The following MPP7 variants were observed in gnomAD, a reference collection of about 807,000 sequenced individuals.
MPP7 encodes the protein MAGUK p55 subfamily member 7.
MPP7 carries 60 observed loss-of-function variants against 76.5 expected under a neutral mutation model. That is an observed-to-expected ratio of 0.78 (90% CI 0.64 to 0.97). The LOEUF (loss-of-function observed/expected upper bound fraction) is 0.97. Among genes scored for constraint, MPP7 ranks in the 50% least tolerant of loss-of-function variants. The pLI is 0.00. For synonymous variants in MPP7, 237 were observed against 244.5 expected (o/e 0.97, Z 0.29); for missense variants, 641 against 694.0 (o/e 0.92, Z 0.86).
At chr10:28,213,766 T>C (rs1588933952) in intron 2 of MPP7, among the ~76,000 whole-genome samples, 1 of 129,900 alleles carries the variant, frequency 7.7e-6, no homozygotes, top group Non-Finnish European at 1.6e-5. Flanking sequence ...CACTCCAACC[T>C]GGGCAACAGA....
chr10:28,254,719 T>C (rs985500039), intron 1 of MPP7: 4 of 152,148 alleles, frequency 2.6e-5, no homozygotes, highest in Non-Finnish European at 4.4e-5. Flanking sequence ...TTATCTGCAC[T>C]CTAGATAGGA....
intron 5 of MPP7, among the ~76,000 whole-genome samples, chr10:28,136,211 T>C (rs941509153): frequency 6.6e-6 from 1 of 151,898 alleles, no homozygotes; most frequent in African/African-American, 2.4e-5. Context: ...ATTATGGTGA[T>C]TATGTAATAA....
chr10:28,098,912 G>T (rs948078796), intron 11 of MPP7, among the ~76,000 whole-genome samples: 1 of 151,790 alleles, frequency 6.6e-6, no homozygotes, highest in Admixed American at 6.6e-5. Context: ...AAGTAGTAAC[G>T]ATGAAAAAAA....
intron 3 of MPP7, among the ~76,000 whole-genome samples, chr10:28,195,616 G>A (rs1837555524): frequency 6.6e-6 from 1 of 152,188 alleles, no homozygotes; most frequent in African/African-American, 2.4e-5. Context: ...ATTAAGCTAA[G>A]TGACAGAAGT....
intron 3 of MPP7, among the ~76,000 whole-genome samples, chr10:28,194,959 G>T (rs1588908145): frequency 1.3e-5 from 2 of 152,168 alleles, no homozygotes; most frequent in East Asian, 3.8e-4. Flanking sequence ...ACTGGGAAGG[G>T]GAGAAGGGGG....
chr10:28,302,306 C>T (rs1841176441), intron 1 of MPP7, among the ~76,000 whole-genome samples: 1 of 152,164 alleles, frequency 6.6e-6, no homozygotes, highest in East Asian at 1.9e-4. Flanking sequence ...AATAGATTCA[C>T]GCTAAATGCT....
At chr10:28,103,154 C>G (rs1419627442) in intron 11 of MPP7, among the ~76,000 whole-genome samples, 6 of 151,440 alleles carry the variant, frequency 4.0e-5, no homozygotes, top group African/African-American at 1.5e-4. Flanking sequence ...CGTGCACATG[C>G]ATCCTGTCTC....
rs538246061 is a variant in MPP7 at position 28,115,124 on chromosome 10, T to C, written c.952+4527A>G. The stretch of plus-strand genomic sequence containing the variant: ...TTTTTGTTTTTGTTTTTTTTTGAGA[T>C]GGAGTTTTACTCTTATTGCCCAGGC... On this transcript the variant is annotated intron_variant, in intron 11 of 16. Coordinates refer to ENST00000683449, the MANE Select transcript of MPP7 (RefSeq NM_001318170.2). 2.0e-3 allele frequency among the ~76,000 whole-genome samples: 306 copies of C among 152,032 alleles called. 2 individuals are homozygous for C. Among genetic ancestry groups the C allele is most frequent in the Non-Finnish European group, 2.6e-3 (180 of 67,988 alleles).
intron 1 of MPP7, among the ~76,000 whole-genome samples, chr10:28,247,792 A>C (rs1839486237): frequency 6.6e-6 from 1 of 152,244 alleles, no homozygotes; most frequent in Non-Finnish European, 1.5e-5. Flanking sequence ...TTTATGTATT[A>C]AACGGTAGAG....
At chr10:28,102,057 C>T (rs192948533) in intron 11 of MPP7, among the ~76,000 whole-genome samples, 20 of 150,446 alleles carry the variant, frequency 1.3e-4, no homozygotes, top group East Asian at 4.2e-4. Context: ...CCTTGACTTG[C>T]GGACATTCAA....
intron 11 of MPP7, among the ~76,000 whole-genome samples, chr10:28,103,767 A>G (rs1310539856): frequency 6.6e-6 from 1 of 152,166 alleles, no homozygotes; most frequent in Non-Finnish European, 1.5e-5. Context: ...ATCCAGAAAT[A>G]GCATTATAAG....
chr10:28,194,388 C>T (rs1837512455), intron 3 of MPP7, among the ~76,000 whole-genome samples: 1 of 152,030 alleles, frequency 6.6e-6, no homozygotes, highest in African/African-American at 2.4e-5. Flanking sequence ...AAATGAGTTG[C>T]AAACTTACAT....
chr10:28,283,435 C>T (rs1452981578), intron 1 of MPP7, among the ~76,000 whole-genome samples: 1 of 152,064 alleles, frequency 6.6e-6, no homozygotes, highest in Non-Finnish European at 1.5e-5. Flanking sequence ...AACACAGCAC[C>T]TGGCATACTG....
intron 1 of MPP7, among the ~76,000 whole-genome samples, chr10:28,287,195 C>T (rs1263133827): frequency 6.6e-6 from 1 of 151,910 alleles, no homozygotes; most frequent in East Asian, 1.9e-4. Flanking sequence ...AAAAGTCAAG[C>T]CTTCAAACAA....
intron 3 of MPP7, among the ~76,000 whole-genome samples, chr10:28,175,295 A>C (rs1332118718): frequency 1.3e-5 from 2 of 152,100 alleles, no homozygotes; most frequent in Non-Finnish European, 1.5e-5. Context: ...GTCTCAAAAA[A>C]AAAAAGGAAA....
At chr10:28,304,907 C>A (rs146436760), upstream of MPP7, among the ~76,000 whole-genome samples, 98 of 152,048 alleles carry the variant, frequency 6.4e-4, no homozygotes, top group Non-Finnish European at 1.2e-3. Flanking sequence ...CTACTAAGCA[C>A]TCAGAGTATA....
At position 28,109,855 on chromosome 10, in the gene MPP7, A is replaced by ACAAAACAAAAC. The variant is rs1349578604; in HGVS notation, c.952+9795_952+9796insGTTTTGTTTTG. On this transcript the variant is annotated intron_variant, in intron 11 of 16. Coordinates refer to ENST00000683449, the MANE Select transcript of MPP7 (RefSeq NM_001318170.2). ...GAAGGCCAGCCGCAGACGCAAAAAA[A>ACAAAACAAAAC]AAAAAAAAAAAAAAAAAACACTTAA... is the stretch of plus-strand genomic sequence containing the variant. Among the ~76,000 whole-genome samples, 39 of 144,338 alleles carry ACAAAACAAAAC rather than the reference A, an allele frequency of 2.7e-4. 4 individuals are homozygous for ACAAAACAAAAC. In the South Asian group the frequency reaches 8.9e-3, roughly 33 times the overall value. The allele number at this position is 144,338 out of a possible 152,430, so 94.7% of individuals were successfully genotyped here.
intron 13 of MPP7, among the ~76,000 whole-genome samples, chr10:28,060,158 C>T (rs991809569): frequency 1.3e-5 from 2 of 151,668 alleles, no homozygotes; most frequent in Admixed American, 1.3e-4. Context: ...AACTGTTTGA[C>T]TCTCTTCTTC....
At chr10:28,131,802 T>A in intron 5 of MPP7, 111 bp from the exon 6 acceptor site, 4 of 470,120 alleles carry the variant, frequency 8.5e-6, no homozygotes, top group Non-Finnish European at 1.2e-5. Flanking sequence ...CAAAACAGTG[T>A]TACGGTTTTG....
Sources: allele counts gnomAD v4.1 joint callset (sites outside exome capture counted in the v4.1 genomes callset), GRCh38; gene constraint gnomAD v4.1.1; transcripts MANE v1.5; gene names NCBI Gene and HGNC (gene_info 2026-07-23, HGNC 2026-07-21).